MOB3B: variants seen among roughly 807,000 people sequenced by gnomAD.
The protein encoded by MOB3B is MOB kinase activator 3B, also known as MOB kinase activator-like 2B.
A neutral mutation model predicts 18.7 loss-of-function variants in MOB3B; 7 were observed. That is an observed-to-expected ratio of 0.37 (90% CI 0.21 to 0.70). The LOEUF is 0.70. MOB3B is among the 30% of genes least tolerant of loss of function. The pLI is 0.52. For synonymous variants in MOB3B, 111 were observed against 99.9 expected (o/e 1.11, Z -0.66); for missense variants, 253 against 281.3 (o/e 0.90, Z 0.72).
chr9:27,349,526 A>G (rs546570986), intron 3 of MOB3B, among the ~76,000 whole-genome samples: 1 of 152,364 alleles, frequency 6.6e-6, no homozygotes, highest in South Asian at 2.1e-4. Flanking sequence ...GCAGGCTTAT[A>G]TATGGGCATC....
chr9:27,378,850 A>C, intron 2 of MOB3B: 1 of 376,338 alleles, frequency 2.7e-6, no homozygotes, highest in Non-Finnish European at 5.4e-6. Context: ...GAAAGGGAAA[A>C]GAAAATTGCA....
At chr9:27,342,397 T>C (rs1820956083) in intron 3 of MOB3B, among the ~76,000 whole-genome samples, 2 of 152,184 alleles carry the variant, frequency 1.3e-5, no homozygotes, top group African/African-American at 4.8e-5. Context: ...GAGTGAACTC[T>C]ACATGCCTAT....
chr9:27,344,465 A>G (rs1821001923), intron 3 of MOB3B, among the ~76,000 whole-genome samples: 3 of 152,360 alleles, frequency 2.0e-5, no homozygotes, highest in South Asian at 4.1e-4. Flanking sequence ...CTGAGAACCT[A>G]TTATAACTCC....
intron 1 of MOB3B, among the ~76,000 whole-genome samples, chr9:27,516,628 A>C (rs539378186): frequency 7.9e-5 from 12 of 152,296 alleles, no homozygotes; most frequent in African/African-American, 2.2e-4. Flanking sequence ...AAAACGAAAA[A>C]AACAGAAAAA....
chr9:27,523,661 C>A (rs1341142247), intron 1 of MOB3B, among the ~76,000 whole-genome samples: 1 of 152,076 alleles, frequency 6.6e-6, no homozygotes, highest in Non-Finnish European at 1.5e-5. Flanking sequence ...TCTAATGCAA[C>A]AGAAAACCAA....
chr9:27,354,990 A>G (rs1014957356), intron 3 of MOB3B, among the ~76,000 whole-genome samples: 2 of 152,190 alleles, frequency 1.3e-5, no homozygotes, highest in Non-Finnish European at 2.9e-5. Context: ...AACTCTTATT[A>G]TTATACCCAT....
chr9:27,393,948 G>A (rs953777100), intron 2 of MOB3B, among the ~76,000 whole-genome samples: 2 of 152,092 alleles, frequency 1.3e-5, no homozygotes, highest in African/African-American at 4.8e-5. Flanking sequence ...GAGTGTTCAG[G>A]GAGGGTTGTT....
intron 2 of MOB3B, among the ~76,000 whole-genome samples, chr9:27,405,824 A>G (rs1821960407): frequency 1.3e-5 from 2 of 152,222 alleles, no homozygotes; most frequent in African/African-American, 4.8e-5. Context: ...AAGGACAAAA[A>G]CCAAATGATC....
At chr9:27,372,779 C>G (rs771915061) in intron 2 of MOB3B, among the ~76,000 whole-genome samples, 2 of 152,086 alleles carry the variant, frequency 1.3e-5, no homozygotes, top group Non-Finnish European at 2.9e-5. Context: ...GATGTGCTGA[C>G]TAAATGTAAT....
At chr9:27,380,155 A>G (rs917885430) in intron 2 of MOB3B, among the ~76,000 whole-genome samples, 2 of 152,206 alleles carry the variant, frequency 1.3e-5, no homozygotes, top group Non-Finnish European at 2.9e-5. Context: ...CCCCACTAGC[A>G]GTGCAACTTT....
At chr9:27,483,114 A>C (rs1819685090) in intron 1 of MOB3B, among the ~76,000 whole-genome samples, 2 of 151,178 alleles carry the variant, frequency 1.3e-5, no homozygotes, top group Non-Finnish European at 2.9e-5. Context: ...AATGTCTACA[A>C]ATATACGGTA....
intron 3 of MOB3B, among the ~76,000 whole-genome samples, chr9:27,338,213 C>A (rs905131614): frequency 1.6e-4 from 25 of 152,222 alleles, no homozygotes; most frequent in African/African-American, 5.5e-4. Flanking sequence ...TATCTTGCAT[C>A]TTTGCACACT....
intron 3 of MOB3B, among the ~76,000 whole-genome samples, chr9:27,342,320 T>C (rs1222062992): frequency 6.6e-6 from 1 of 152,192 alleles, no homozygotes. Context: ...CTATAAATAG[T>C]CCAGTCTTCT....
At chr9:27,335,464 C>G (rs1587137977) in intron 3 of MOB3B, among the ~76,000 whole-genome samples, 3 of 152,198 alleles carry the variant, frequency 2.0e-5, no homozygotes. Flanking sequence ...TTTCTTAGAG[C>G]TGGCTTGATG....
chr9:27,393,106 C>G (rs1008822828), intron 2 of MOB3B, among the ~76,000 whole-genome samples: 2 of 152,124 alleles, frequency 1.3e-5, no homozygotes, highest in African/African-American at 4.8e-5. Context: ...ATTCTTAATA[C>G]CTGGCTATTA....
At chr9:27,524,017 G>C (rs1469119114) in intron 1 of MOB3B, among the ~76,000 whole-genome samples, 1 of 151,936 alleles carries the variant, frequency 6.6e-6, no homozygotes, top group East Asian at 1.9e-4. Context: ...CCCTGCATCA[G>C]TCTTGTTATG....
chr9:27,411,451 C>G (rs867213084), intron 2 of MOB3B, among the ~76,000 whole-genome samples: 2 of 152,142 alleles, frequency 1.3e-5, no homozygotes, highest in Non-Finnish European at 2.9e-5. Flanking sequence ...AGGCCATAGA[C>G]GGGTAAGAGA....
In MOB3B at chr9:27,386,443, T is replaced by C. The variant is rs563722717; in HGVS notation, c.419-27207A>G. ...GAGTAATGCTTGTCAAAATGAAAACTAAAGCAGATTAAAGGACCTGCTTTG... is the reference window on the plus strand; with the variant it reads ...GAGTAATGCTTGTCAAAATGAAAACCAAAGCAGATTAAAGGACCTGCTTTG... On this transcript the variant is annotated intron_variant, in intron 2 of 3. Coordinates refer to ENST00000262244, the MANE Select transcript of MOB3B (RefSeq NM_024761.5). Among the ~76,000 whole-genome samples the C allele has an allele frequency of 1.6e-4, 25 of 152,340 alleles. 1 individual carries two copies. The South Asian group carries it at 2.9e-3, about 18-fold the overall frequency.
chr9:27,521,008 C>T (rs1054568212), intron 1 of MOB3B, among the ~76,000 whole-genome samples: 1 of 152,060 alleles, frequency 6.6e-6, no homozygotes, highest in African/African-American at 2.4e-5. Flanking sequence ...ACCATCTTTC[C>T]TTCTTTGTCA....
Sources: gnomAD v4.1 joint callset for allele counts (sites outside exome capture counted in the v4.1 genomes callset) on GRCh38, gnomAD v4.1.1 for gene constraint, MANE v1.5 for transcripts, NCBI Gene and HGNC (gene_info 2026-07-23, HGNC 2026-07-21) for gene names.